ARK2N: variants seen among roughly 807,000 people sequenced by gnomAD.
The protein encoded by ARK2N is protein ARK2N.
chr18:46,240,027 T>C, the ARK2N span: 2 of 1,614,104 alleles, frequency 1.2e-6, no homozygotes, highest in Non-Finnish European at 8.5e-7. Context: ...TTGTAGCTCA[T>C]TATGATATGT....
chr18:46,235,740 A>G, the ARK2N span, among the ~76,000 whole-genome samples: 1 of 152,216 alleles, frequency 6.6e-6, no homozygotes, highest in African/African-American at 2.4e-5. Context: ...TCAAATTTTC[A>G]TCTGTAAAAT....
the ARK2N span, chr18:46,228,713 A>G: frequency 1.0e-5 from 4 of 397,846 alleles, no homozygotes; most frequent in Non-Finnish European, 1.8e-5. Flanking sequence ...AGCCTCCCAA[A>G]TAGGTGGGAC....
the ARK2N span, among the ~76,000 whole-genome samples, chr18:46,181,269 G>T: frequency 1.3e-5 from 2 of 151,792 alleles, no homozygotes; most frequent in Admixed American, 6.6e-5. Flanking sequence ...TCGGGAGGTG[G>T]GGGGGGAAAT....
At chr18:46,223,558 A>G in the ARK2N span, among the ~76,000 whole-genome samples, 1 of 152,222 alleles carries the variant, frequency 6.6e-6, no homozygotes, top group Non-Finnish European at 1.5e-5. Context: ...TTGCATCTTC[A>G]TAAAAGGCCA....
At chr18:46,206,944 T>C in the ARK2N span, among the ~76,000 whole-genome samples, 1 of 152,058 alleles carries the variant, frequency 6.6e-6, no homozygotes, top group African/African-American at 2.4e-5. Flanking sequence ...CCCAACTAAT[T>C]TTTAATTTTT....
chr18:46,215,320 AAAACAAAC>A, the ARK2N span, among the ~76,000 whole-genome samples: 2,641 of 152,240 alleles, frequency 0.017, 70 homozygotes, highest in African/African-American at 0.06. Flanking sequence ...CCCTGTCTCA[AAAACAAAC>A]AAACAAACAA....
chr18:46,252,142 G>A, the ARK2N span, among the ~76,000 whole-genome samples: 3 of 151,350 alleles, frequency 2.0e-5, no homozygotes, highest in South Asian at 4.2e-4. Context: ...GCAGTGAGCC[G>A]AGATTGTGCC....
At chr18:46,194,868 A>C in the ARK2N span, among the ~76,000 whole-genome samples, 1 of 141,432 alleles carries the variant, frequency 7.1e-6, no homozygotes. Context: ...CAGTGGTGTG[A>C]TCTTGACTCA....
At chr18:46,230,644 A>G in the ARK2N span, among the ~76,000 whole-genome samples, 4 of 152,200 alleles carry the variant, frequency 2.6e-5, no homozygotes, top group African/African-American at 9.7e-5. Flanking sequence ...CCCTTTGTCT[A>G]ATCTATCAGA....
chr18:46,176,047 T>C, the ARK2N span, among the ~76,000 whole-genome samples: 23 of 152,242 alleles, frequency 1.5e-4, no homozygotes, highest in Non-Finnish European at 2.8e-4. Context: ...TAGGTTCTAA[T>C]TTAATGCAGT....
the ARK2N span, among the ~76,000 whole-genome samples, chr18:46,193,937 A>G: frequency 0.61 from 93,289 of 151,776 alleles, 31,219 homozygotes; most frequent in Non-Finnish European, 0.74. Flanking sequence ...CACACCTTTA[A>G]ATTAGCTCAA....
chr18:46,199,141 C>T, the ARK2N span, among the ~76,000 whole-genome samples: 2 of 152,082 alleles, frequency 1.3e-5, no homozygotes, highest in East Asian at 3.9e-4. Context: ...AAATTTGAAA[C>T]TTGCCCTCAG....
chr18:46,207,373 T>C, the ARK2N span, among the ~76,000 whole-genome samples: 1 of 151,016 alleles, frequency 6.6e-6, no homozygotes, highest in Non-Finnish European at 1.5e-5. Flanking sequence ...TCTCAGTAAT[T>C]ACTCAGTTTC....
At chr18:46,178,603 C>T in the ARK2N span, among the ~76,000 whole-genome samples, 1 of 152,216 alleles carries the variant, frequency 6.6e-6, no homozygotes, top group African/African-American at 2.4e-5. Context: ...AGCCACCATG[C>T]CTGGCCCTGA....
chr18:46,229,532 A>G, the ARK2N span, among the ~76,000 whole-genome samples: 1 of 151,668 alleles, frequency 6.6e-6, no homozygotes, highest in African/African-American at 2.4e-5. Context: ...TATTTTTAGT[A>G]GAGACAGGGT....
At chr18:46,246,941 CAAA>C in the ARK2N span, among the ~76,000 whole-genome samples, 3 of 84,418 alleles carry the variant, frequency 3.6e-5, no homozygotes, top group African/African-American at 4.0e-5. Context: ...AACTCCATTT[CAAA>C]AAAAAAAAAA....
chr18:46,206,100 TTTC>T, the ARK2N span, among the ~76,000 whole-genome samples: 1 of 151,158 alleles, frequency 6.6e-6, no homozygotes, highest in Non-Finnish European at 1.5e-5. Context: ...AACTTTTTTT[TTTC>T]TTTTTTTTTC....
the ARK2N span, among the ~76,000 whole-genome samples, chr18:46,234,857 G>A: frequency 3.9e-5 from 6 of 152,152 alleles, no homozygotes; most frequent in Non-Finnish European, 5.9e-5. Context: ...TCTTCTCTTA[G>A]TGAGGAGATT....
At chr18:46,183,926 C>T in the ARK2N span, among the ~76,000 whole-genome samples, 115 of 151,860 alleles carry the variant, frequency 7.6e-4, no homozygotes, top group African/African-American at 2.6e-3. Context: ...CGGGTTCAAG[C>T]GATTCTCCTG....
Sources: allele counts gnomAD v4.1 joint callset (sites outside exome capture counted in the v4.1 genomes callset), GRCh38; gene constraint gnomAD v4.1.1; transcripts MANE v1.5; gene names NCBI Gene and HGNC (gene_info 2026-07-23, HGNC 2026-07-21).